Variants in NPNT observed in about 807,000 individuals in gnomAD.
NPNT encodes preosteoblast EGF-like repeat protein with MAM domain.
NPNT carries 45 observed loss-of-function variants against 68.6 expected under a neutral mutation model. That is an observed-to-expected ratio of 0.66 (90% CI 0.52 to 0.84). The LOEUF is 0.84. Ranked by LOEUF, NPNT falls within the 40% of genes least tolerant of loss-of-function variation. The pLI is 0.00. For missense variants in NPNT, 672 were observed against 714.8 expected (o/e 0.94, Z 0.68); for synonymous variants, 233 against 253.3 (o/e 0.92, Z 0.76).
intron 8 of NPNT, among the ~76,000 whole-genome samples, chr4:105,944,515 C>T (rs1055618152): frequency 6.6e-6 from 1 of 152,154 alleles, no homozygotes; most frequent in South Asian, 2.1e-4. Context: ...CAGTATTCCT[C>T]TCTATGCCAA....
chr4:105,931,742 T>A (rs916085407), intron 3 of NPNT, among the ~76,000 whole-genome samples: 16 of 149,930 alleles, frequency 1.1e-4, no homozygotes, highest in African/African-American at 3.4e-4. Context: ...CGGGAGGCTG[T>A]GGCAGGAGAA....
intron 7 of NPNT, among the ~76,000 whole-genome samples, chr4:105,941,925 A>AT (rs202131830): frequency 0.015 from 2,264 of 152,254 alleles, 63 homozygotes; most frequent in African/African-American, 0.052. Context: ...CATTTCTTAT[A>AT]TTAAAAAAAC....
Position 105,914,420 on chromosome 4 carries a change from AAT to A in NPNT, c.173-12907_173-12906del, listed in dbSNP as rs534318619. ...TAATATAATATATATTATATATTATAATATATATATTATATAAATATTACATA... is the reference window on the plus strand; with the variant it reads ...TAATATAATATATATTATATATTATAATATATATTATATAAATATTACATA... On this transcript the variant is annotated intron_variant, in intron 2 of 11. Coordinates refer to ENST00000379987, the MANE Select transcript of NPNT (RefSeq NM_001033047.3). Among the ~76,000 whole-genome samples, 210 of 137,780 alleles carry A rather than the reference AAT, an allele frequency of 1.5e-3. 1 individual carries two copies. The highest frequency in any genetic ancestry group is 2.6e-3 in the Non-Finnish European group (172 of 65,462). The allele number at this position is 137,780 out of a possible 152,430, so 90.4% of individuals were successfully genotyped here.
At chr4:105,904,685 A>T (rs1726732651) in intron 2 of NPNT, among the ~76,000 whole-genome samples, 3 of 150,252 alleles carry the variant, frequency 2.0e-5, no homozygotes, top group African/African-American at 7.5e-5. Context: ...GTTTAGCCAT[A>T]ATTTTTTTTT....
At chr4:105,954,413 AT>A (rs1731060202) in intron 8 of NPNT, among the ~76,000 whole-genome samples, 1 of 152,166 alleles carries the variant, frequency 6.6e-6, no homozygotes, top group African/African-American at 2.4e-5. Flanking sequence ...GTTGATGTTA[AT>A]TTTAGTCATA....
intron 3 of NPNT, among the ~76,000 whole-genome samples, chr4:105,932,364 C>T (rs573355081): frequency 1.3e-5 from 2 of 151,858 alleles, no homozygotes; most frequent in Non-Finnish European, 2.9e-5. Context: ...AATTGTATGA[C>T]GATGGATTGT....
chr4:105,950,339 C>T (rs894171987), intron 8 of NPNT, among the ~76,000 whole-genome samples: 11 of 22,672 alleles, frequency 4.9e-4, no homozygotes, highest in African/African-American at 1.2e-3. Context: ...ACTAAAATAA[C>T]ATAGTTATTT....
chr4:105,970,373 T>A lies in NPNT; in HGVS notation c.*1383T>A. 1 of 697,506 alleles carries A rather than the reference T, an allele frequency of 1.4e-6. No homozygotes were observed. The highest frequency in any genetic ancestry group is 1.5e-5 in the South Asian group (1 of 66,534). 43.2% of individuals were successfully genotyped at this position (697,506 alleles called of 1,614,324 possible). Reference sequence around the variant, plus strand: ...ATTAAGTAATCAGAATATTTTCTGCTATTTTTGCCAGGAATCACAAAGATG... The same window carrying A: ...ATTAAGTAATCAGAATATTTTCTGCAATTTTTGCCAGGAATCACAAAGATG... On this transcript the variant is annotated 3_prime_UTR_variant, in exon 12 of 12. Coordinates refer to ENST00000379987, the MANE Select transcript of NPNT (RefSeq NM_001033047.3).
At position 105,904,736 on chromosome 4, in the gene NPNT, G is replaced by A. The variant is rs955163441; in HGVS notation, c.172+6735G>A. ...CTCACTCTGTTGCCCAGGCTGGAGT[G>A]CTGTGGCAGGATCTCGGCTCACTGC... is the stretch of plus-strand genomic sequence containing the variant. On this transcript the variant is annotated intron_variant, in intron 2 of 11. Coordinates refer to ENST00000379987, the MANE Select transcript of NPNT (RefSeq NM_001033047.3). Among the ~76,000 whole-genome samples the A allele has an allele frequency of 5.9e-5, 9 of 152,054 alleles. No homozygotes were observed. In the East Asian group the frequency reaches 1.5e-3, roughly 26 times the overall value.
chr4:105,971,261 TC>T lies in NPNT; in HGVS notation c.*2272del, dbSNP rs1312417868. 2 of 413,810 alleles carry T rather than the reference TC, an allele frequency of 4.8e-6. No individual in the cohort carries two copies. The highest frequency in any genetic ancestry group is 1.0e-5 in the Non-Finnish European group (2 of 200,266). The allele number at this position is 413,810 out of a possible 1,614,324, so 25.6% of individuals were successfully genotyped here. A position where few individuals can be genotyped will look rare whatever the true frequency, so the allele number is the denominator to read the frequency against. On this transcript the variant is annotated 3_prime_UTR_variant, in exon 12 of 12. Transcript: ENST00000379987. Reference sequence around the variant, plus strand: ...TTCACCTCATCAGTATGATTCAGTTTCTCTTATCAATTGGACTCTCCCAGGT... The same window carrying T: ...TTCACCTCATCAGTATGATTCAGTTTTCTTATCAATTGGACTCTCCCAGGT...
chr4:105,937,028 G>A lies in NPNT; in HGVS notation c.285G>A (p.Leu95=), dbSNP rs1729544303. 4 of 1,613,344 alleles carry A rather than the reference G, an allele frequency of 2.5e-6. No homozygotes were observed. Among genetic ancestry groups the A allele is most frequent in the Non-Finnish European group, 3.4e-6 (4 of 1,179,616 alleles). ...TCNQDLNECG[L]KPRPCKHRCM... ...TTTCAGATCTAAATGAGTGTGGCCT[G>A]AAGCCCCGGCCCTGTAAGCACAGGT... Residue 95 remains leucine, a synonymous_variant, in exon 4 of 12, where the codon CTG becomes CTA. Coordinates refer to ENST00000379987, the MANE Select transcript of NPNT (RefSeq NM_001033047.3).
At chr4:105,920,573 T>C (rs1728188184) in intron 2 of NPNT, among the ~76,000 whole-genome samples, 1 of 152,078 alleles carries the variant, frequency 6.6e-6, no homozygotes, top group South Asian at 2.1e-4. Context: ...AGAGGATTTT[T>C]TTTTAAGTGA....
At chr4:105,933,600 G>T in intron 3 of NPNT, among the ~76,000 whole-genome samples, 1 of 152,114 alleles carries the variant, frequency 6.6e-6, no homozygotes, top group Non-Finnish European at 1.5e-5. Context: ...GACATTGCCC[G>T]ATTTAAGCAC....
At chr4:105,934,950 T>A (rs752808976) in intron 3 of NPNT, among the ~76,000 whole-genome samples, 4 of 152,214 alleles carry the variant, frequency 2.6e-5, no homozygotes, top group Admixed American at 2.6e-4. Flanking sequence ...GGGCCCTTTA[T>A]TGGCCCAGAC....
Position 105,970,912 on chromosome 4 carries a change from G to A in NPNT, c.*1922G>A. 3.3e-6 allele frequency: 1 copy of A among 305,908 alleles called. No homozygotes were observed. The allele number at this position is 305,908 out of a possible 1,614,324, so 18.9% of individuals were successfully genotyped here. A position where few individuals can be genotyped will look rare whatever the true frequency, so the allele number is the denominator to read the frequency against. ...GAGCCCACCAAATGCTGAGCTCACT[G>A]AAATATCTCTCCCTTATGGCAATCC... On this transcript the variant is annotated 3_prime_UTR_variant, in exon 12 of 12. Coordinates refer to ENST00000379987, the MANE Select transcript of NPNT (RefSeq NM_001033047.3).
At chr4:105,907,139 A>G (rs910330177) in intron 2 of NPNT, among the ~76,000 whole-genome samples, 67 of 152,282 alleles carry the variant, frequency 4.4e-4, no homozygotes, top group African/African-American at 1.5e-3. Context: ...AACAGACTCA[A>G]AGCAGAGTCT....
At chr4:105,920,091 T>A (rs899026142) in intron 2 of NPNT, among the ~76,000 whole-genome samples, 2 of 152,054 alleles carry the variant, frequency 1.3e-5, no homozygotes, top group African/African-American at 2.4e-5. Flanking sequence ...TTAGAATCAC[T>A]TCGTAACCAT....
chr4:105,909,986 C>T (rs1727229911), intron 2 of NPNT, among the ~76,000 whole-genome samples: 1 of 151,896 alleles, frequency 6.6e-6, no homozygotes, highest in Admixed American at 6.6e-5. Flanking sequence ...AAAGTTTACA[C>T]TTGGCCTAAT....
At chr4:105,924,378 C>T (rs1167300301) in intron 2 of NPNT, among the ~76,000 whole-genome samples, 1 of 152,116 alleles carries the variant, frequency 6.6e-6, no homozygotes, top group African/African-American at 2.4e-5. Context: ...AGGAGAATAT[C>T]TTTTTGTGCA....
Sources: allele counts gnomAD v4.1 joint callset (sites outside exome capture counted in the v4.1 genomes callset), GRCh38; gene constraint gnomAD v4.1.1; transcripts MANE v1.5; gene names NCBI Gene and HGNC (gene_info 2026-07-23, HGNC 2026-07-21).